The following SLC16A12 variants were observed in gnomAD, a reference collection of about 807,000 sequenced individuals.
SLC16A12 encodes the protein solute carrier family 16 member 12.
In SLC16A12, 17 loss-of-function variants were observed where a neutral mutation model predicts 42.4. The observed-to-expected ratio is 0.40, with a 90% CI of 0.27 to 0.60. SLC16A12 has a LOEUF of 0.60. Among genes scored for constraint, SLC16A12 ranks in the 20% least tolerant of loss-of-function variants. SLC16A12 has a pLI of 0.42. For missense variants in SLC16A12, 544 were observed against 623.0 expected (o/e 0.87, Z 1.35); for synonymous variants, 224 against 229.4 (o/e 0.98, Z 0.21).
chr10:89,442,174 G>A (rs1196644821), intron 4 of SLC16A12, among the ~76,000 whole-genome samples: 1 of 152,156 alleles, frequency 6.6e-6, no homozygotes, highest in Non-Finnish European at 1.5e-5. Flanking sequence ...CTGAAATTGG[G>A]GGTCAACTGT....
intron 2 of SLC16A12, among the ~76,000 whole-genome samples, chr10:89,479,869 T>C (rs1480444648): frequency 6.6e-6 from 1 of 152,228 alleles, no homozygotes; most frequent in Non-Finnish European, 1.5e-5. Context: ...AATAGTTATA[T>C]CAAGTAGAAC....
rs745579930 is a variant in SLC16A12 at position 89,481,660 on chromosome 10, TGTGTGA to T, written c.-46-19042_-46-19037del. On this transcript the variant is annotated intron_variant, in intron 2 of 7. Coordinates refer to ENST00000371790, the MANE Select transcript of SLC16A12 (RefSeq NM_213606.4). Reference sequence around the variant, plus strand: ...TTTTTTTCTTGTGTGTGTGTGTGTGTGTGTGAGAGAGAGAGAGAGTGTGTGTGTGTG... The same window carrying T: ...TTTTTTTCTTGTGTGTGTGTGTGTGTGAGAGAGAGAGAGTGTGTGTGTGTG... Among the ~76,000 whole-genome samples the T allele has an allele frequency of 2.3e-3, 328 of 141,166 alleles. 2 individuals are homozygous for T. The highest frequency in any genetic ancestry group is 3.8e-3 in the Non-Finnish European group (247 of 64,790). The allele number at this position is 141,166 out of a possible 152,430, so 92.6% of individuals were successfully genotyped here.
At chr10:89,440,770 C>G (rs1432009728) in intron 5 of SLC16A12, among the ~76,000 whole-genome samples, 1 of 152,176 alleles carries the variant, frequency 6.6e-6, no homozygotes, top group Non-Finnish European at 1.5e-5. Context: ...ATTTTAATGT[C>G]TTGGCAATGG....
At chr10:89,437,871 T>C (rs1402461676) in intron 6 of SLC16A12, among the ~76,000 whole-genome samples, 1 of 152,238 alleles carries the variant, frequency 6.6e-6, no homozygotes, top group African/African-American at 2.4e-5. Context: ...GTAGATTTCT[T>C]ATAACTTTGG....
intron 2 of SLC16A12, among the ~76,000 whole-genome samples, chr10:89,514,689 GGGGGTGACAATGTTTCCTCAATGTTTACA>G (rs1843218264): frequency 6.6e-6 from 1 of 152,158 alleles, no homozygotes. Flanking sequence ...CCATCACATT[GGGGGTGACAATGTTTCCTCAATGTTTACA>G]GGGCTTAAAC....
Position 89,430,738 on chromosome 10 carries a change from T to C in SLC16A12, c.*2326A>G, listed in dbSNP as rs186703291. 2.4e-4 allele frequency: 109 copies of C among 462,260 alleles called. No homozygotes were observed. The highest frequency in any genetic ancestry group is 1.8e-3 in the African/African-American group (91 of 49,678). 28.6% of individuals were successfully genotyped at this position (462,260 alleles called of 1,614,324 possible). A position where few individuals can be genotyped will look rare whatever the true frequency, so the allele number is the denominator to read the frequency against. The stretch of plus-strand genomic sequence containing the variant: ...TGTATAAAGTCAAATCTCCCAAATG[T>C]TTTTATACAAAATCTTTAAAATTTC... On this transcript the variant is annotated 3_prime_UTR_variant, in exon 8 of 8. Transcript: ENST00000371790.
chr10:89,433,427 G>A, intron 7 of SLC16A12, 101 bp from the exon 8 acceptor site: 1 of 1,218,466 alleles, frequency 8.2e-7, no homozygotes, highest in Non-Finnish European at 1.2e-6. Flanking sequence ...TAGATCGATA[G>A]CACCACCAAT....
At chr10:89,494,230 G>A (rs541270383) in intron 2 of SLC16A12, among the ~76,000 whole-genome samples, 3 of 152,148 alleles carry the variant, frequency 2.0e-5, no homozygotes, top group Admixed American at 6.5e-5. Context: ...TAATAAAAAC[G>A]TGCTTTATTT....
intron 2 of SLC16A12, among the ~76,000 whole-genome samples, chr10:89,465,753 T>C (rs1437506148): frequency 1.3e-5 from 2 of 152,218 alleles, no homozygotes; most frequent in Non-Finnish European, 2.9e-5. Flanking sequence ...CTATCTGCTC[T>C]TTCCAGTGGC....
At chr10:89,470,880 A>G (rs908520674) in intron 2 of SLC16A12, among the ~76,000 whole-genome samples, 2 of 150,792 alleles carry the variant, frequency 1.3e-5, no homozygotes, top group Non-Finnish European at 3.0e-5. Context: ...AAACAACCAG[A>G]GGGCCTGCTT....
chr10:89,505,575 G>T (rs1843048327), intron 2 of SLC16A12, among the ~76,000 whole-genome samples: 2 of 152,132 alleles, frequency 1.3e-5, no homozygotes, highest in Admixed American at 1.3e-4. Context: ...GGGACTGATT[G>T]GACAGTGGGT....
At chr10:89,530,211 T>G (rs1843522634) in intron 2 of SLC16A12, among the ~76,000 whole-genome samples, 1 of 152,206 alleles carries the variant, frequency 6.6e-6, no homozygotes, top group Non-Finnish European at 1.5e-5. Flanking sequence ...TGAAAAAACC[T>G]GAATGCAAAA....
chr10:89,553,575 G>A (rs1179523035), intron 2 of SLC16A12, among the ~76,000 whole-genome samples: 1 of 152,142 alleles, frequency 6.6e-6, no homozygotes, highest in African/African-American at 2.4e-5. Context: ...GACAATATTG[G>A]ACAAGTTGTT....
At chr10:89,540,176 G>C (rs1843706930), upstream of SLC16A12, among the ~76,000 whole-genome samples, 1 of 151,736 alleles carries the variant, frequency 6.6e-6, no homozygotes, top group African/African-American at 2.4e-5. Flanking sequence ...ACAGTTCACT[G>C]CAGCCTTGAT....
chr10:89,546,351 A>C (rs1184343598), intron 2 of SLC16A12, among the ~76,000 whole-genome samples: 2 of 152,222 alleles, frequency 1.3e-5, no homozygotes, highest in Non-Finnish European at 2.9e-5. Context: ...AAAAAAAACA[A>C]CACCATCAAA....
intron 3 of SLC16A12, among the ~76,000 whole-genome samples, chr10:89,446,657 C>A (rs919170306): frequency 1.3e-5 from 2 of 152,118 alleles, no homozygotes; most frequent in Admixed American, 6.6e-5. Flanking sequence ...CAAAAACATG[C>A]CAAATTGTAA....
chr10:89,473,140 TTA>T (rs945131958), intron 2 of SLC16A12, among the ~76,000 whole-genome samples: 1 of 151,954 alleles, frequency 6.6e-6, no homozygotes, highest in Non-Finnish European at 1.5e-5. Flanking sequence ...TTTTTTTTTT[TTA>T]ATGGAAACTG....
chr10:89,533,137 TG>T (rs1274941424), intron 2 of SLC16A12, among the ~76,000 whole-genome samples: 2 of 148,938 alleles, frequency 1.3e-5, no homozygotes, highest in Non-Finnish European at 3.0e-5. Flanking sequence ...CACCTGAATT[TG>T]TTTTTTTGTT....
intron 2 of SLC16A12, among the ~76,000 whole-genome samples, chr10:89,495,394 A>G (rs1292172446): frequency 1.3e-5 from 2 of 152,146 alleles, no homozygotes; most frequent in Admixed American, 1.3e-4. Context: ...CACACTAGGA[A>G]CCAGGTTTCT....
Sources: allele counts gnomAD v4.1 joint callset (sites outside exome capture counted in the v4.1 genomes callset), GRCh38; gene constraint gnomAD v4.1.1; transcripts MANE v1.5; gene names NCBI Gene and HGNC (gene_info 2026-07-23, HGNC 2026-07-21).